GDPD4: variants seen among roughly 807,000 people sequenced by gnomAD.
GDPD4 encodes the protein glycerophosphodiester phosphodiesterase 6.
GDPD4 carries 60 observed loss-of-function variants against 67.8 expected under a neutral mutation model. The ratio of observed to expected loss-of-function variants is 0.88; its 90% CI spans 0.72 to 1.10. GDPD4 has a LOEUF of 1.10. Among genes scored for constraint, GDPD4 ranks in the 50% least tolerant of loss-of-function variants. The pLI is 0.00. For synonymous variants in GDPD4, 212 were observed against 210.9 expected (o/e 1.00, Z -0.04); for missense variants, 623 against 613.9 (o/e 1.01, Z -0.16).
At chr11:77,218,063 A>G (rs1453248040) in intron 16 of GDPD4, among the ~76,000 whole-genome samples, 8 of 150,868 alleles carry the variant, frequency 5.3e-5, no homozygotes, top group East Asian at 3.9e-4. Flanking sequence ...GTGTAATTCG[A>G]TCTGGAAGAA....
chr11:77,252,055 T>G (rs1419408774), intron 11 of GDPD4, among the ~76,000 whole-genome samples: 15 of 26,354 alleles, frequency 5.7e-4, no homozygotes, highest in Non-Finnish European at 1.1e-3. Context: ...TGTTTGTTTG[T>G]TTTTTTTTTG....
chr11:77,220,960 A>C (rs1958212810), intron 16 of GDPD4, among the ~76,000 whole-genome samples: 1 of 151,992 alleles, frequency 6.6e-6, no homozygotes, highest in African/African-American at 2.4e-5. Flanking sequence ...TAGTTTTGGG[A>C]GGGTGATCTT....
intron 16 of GDPD4, among the ~76,000 whole-genome samples, chr11:77,220,396 TGA>T (rs2135816475): frequency 1.3e-5 from 2 of 152,362 alleles, no homozygotes; most frequent in African/African-American, 4.8e-5. Flanking sequence ...GCTAGTTTAT[TGA>T]GAGTTTTTAG....
intron 1 of GDPD4, among the ~76,000 whole-genome samples, chr11:77,299,035 TA>T (rs541941633): frequency 2.0e-5 from 3 of 151,106 alleles, no homozygotes; most frequent in Non-Finnish European, 4.4e-5. Flanking sequence ...TTGGACAAGA[TA>T]AAAAAAAATC....
At chr11:77,291,860 G>A (rs575029759) in intron 1 of GDPD4, among the ~76,000 whole-genome samples, 8 of 152,090 alleles carry the variant, frequency 5.3e-5, no homozygotes, top group South Asian at 2.1e-4. Flanking sequence ...GAGAAACCCC[G>A]TCTCTACTAA....
intron 1 of GDPD4, 88 bp downstream of exon 1, chr11:77,301,517 G>A (rs1169148835): frequency 6.6e-6 from 1 of 152,252 alleles, no homozygotes; most frequent in Non-Finnish European, 1.5e-5. Flanking sequence ...AGGGCCTCAA[G>A]TTTGGCCGCC....
chr11:77,284,638 C>T (rs1959913081), intron 3 of GDPD4, among the ~76,000 whole-genome samples: 1 of 152,132 alleles, frequency 6.6e-6, no homozygotes, highest in African/African-American at 2.4e-5. Flanking sequence ...ATACCTGTCA[C>T]TGTGTTCAGA....
At chr11:77,279,599 T>C (rs1344827050) in intron 3 of GDPD4, among the ~76,000 whole-genome samples, 200 bp from the exon 4 acceptor site, 1 of 151,790 alleles carries the variant, frequency 6.6e-6, no homozygotes, top group Non-Finnish European at 1.5e-5. Flanking sequence ...GGGATGTTCA[T>C]GGGGTCTGTA....
intron 10 of GDPD4, among the ~76,000 whole-genome samples, chr11:77,263,727 A>G (rs1025584979): frequency 6.6e-6 from 1 of 152,208 alleles, no homozygotes; most frequent in Non-Finnish European, 1.5e-5. Flanking sequence ...TCAGGTTCTC[A>G]TATGGCTTGG....
At chr11:77,257,587 ACACACAC>A (rs1191101636) in intron 11 of GDPD4, among the ~76,000 whole-genome samples, 1 of 148,912 alleles carries the variant, frequency 6.7e-6, no homozygotes, top group East Asian at 2.0e-4. Context: ...ACACACACAC[ACACACAC>A]CCTGTTGCTC....
intron 16 of GDPD4, among the ~76,000 whole-genome samples, chr11:77,219,297 G>A (rs2135815209): frequency 1.3e-5 from 2 of 152,210 alleles, no homozygotes; most frequent in Middle Eastern, 6.8e-3. Flanking sequence ...TTGTTAGATG[G>A]GTAGATTGCA....
chr11:77,280,162 T>C (rs1053882526), intron 3 of GDPD4, among the ~76,000 whole-genome samples: 2 of 151,068 alleles, frequency 1.3e-5, no homozygotes, highest in Non-Finnish European at 1.5e-5. Flanking sequence ...CTGGGAAGAG[T>C]GCTCTGTAGA....
chr11:77,246,798 C>T (rs746631386), intron 11 of GDPD4, among the ~76,000 whole-genome samples: 8 of 152,198 alleles, frequency 5.3e-5, no homozygotes, highest in Non-Finnish European at 1.2e-4. Flanking sequence ...GTCATACATT[C>T]TTTGAAACGC....
chr11:77,252,569 T>C (rs906712265), intron 11 of GDPD4, among the ~76,000 whole-genome samples: 4 of 152,210 alleles, frequency 2.6e-5, no homozygotes, highest in Admixed American at 6.5e-5. Flanking sequence ...GGTGGTGTCA[T>C]ATTTCCTTGC....
At chr11:77,238,494 G>C (rs1958603419) in intron 13 of GDPD4, among the ~76,000 whole-genome samples, 1 of 150,646 alleles carries the variant, frequency 6.6e-6, no homozygotes, top group Admixed American at 6.6e-5. Flanking sequence ...TGAGGCAGGA[G>C]AATCACTTGA....
intron 4 of GDPD4, among the ~76,000 whole-genome samples, chr11:77,278,748 C>G (rs1228644160): frequency 1.3e-5 from 2 of 152,192 alleles, no homozygotes; most frequent in African/African-American, 4.8e-5. Context: ...CCAGACTTTT[C>G]TCTTACCTGG....
chr11:77,258,308 G>T, intron 11 of GDPD4, 78 bp downstream of exon 11: 1 of 1,357,358 alleles, frequency 7.4e-7, no homozygotes, highest in Non-Finnish European at 1.1e-6. Flanking sequence ...TTCATCTATG[G>T]CCTTTATTTT....
chr11:77,265,733 G>A (rs1335086392), intron 10 of GDPD4, among the ~76,000 whole-genome samples: 1 of 152,076 alleles, frequency 6.6e-6, no homozygotes, highest in African/African-American at 2.4e-5. Flanking sequence ...CACATGTGCA[G>A]ACATATCACC....
intron 8 of GDPD4, 50 bp downstream of exon 8, chr11:77,269,833 G>C (rs987478519): frequency 1.0e-6 from 1 of 991,984 alleles, no homozygotes; most frequent in African/African-American, 1.6e-5. Flanking sequence ...ACATTTTCAA[G>C]TTACCACCTT....
Sources: allele counts gnomAD v4.1 joint callset (sites outside exome capture counted in the v4.1 genomes callset), GRCh38; gene constraint gnomAD v4.1.1; transcripts MANE v1.5; gene names NCBI Gene and HGNC (gene_info 2026-07-23, HGNC 2026-07-21).